MAML2: variants seen among roughly 807,000 people sequenced by gnomAD.
MAML2 encodes the protein mastermind like transcriptional coactivator 2.
Under a neutral mutation model 96.1 loss-of-function variants are expected in MAML2, and 22 were observed. The observed-to-expected ratio is 0.23, with a 90% CI of 0.16 to 0.33. MAML2 has a LOEUF of 0.33. MAML2 is among the 10% of genes least tolerant of loss of function. The pLI is 1.00. For synonymous variants in MAML2, 561 were observed against 521.3 expected (o/e 1.08, Z -1.04); for missense variants, 1,367 against 1,392.4 (o/e 0.98, Z 0.29).
intron 2 of MAML2, among the ~76,000 whole-genome samples, chr11:96,077,507 C>T (rs1859461515): frequency 6.6e-6 from 1 of 152,178 alleles, no homozygotes; most frequent in Non-Finnish European, 1.5e-5. Flanking sequence ...AGGCATGAGC[C>T]ACCGCAACTG....
chr11:96,332,164 T>C (rs943877140), intron 1 of MAML2, among the ~76,000 whole-genome samples: 4 of 152,228 alleles, frequency 2.6e-5, no homozygotes, highest in Non-Finnish European at 2.9e-5. Flanking sequence ...TCCAGCATTG[T>C]ACCAAGGATT....
intron 1 of MAML2, among the ~76,000 whole-genome samples, chr11:96,097,614 G>T (rs1235713652): frequency 6.6e-6 from 1 of 151,936 alleles, no homozygotes; most frequent in Non-Finnish European, 1.5e-5. Context: ...TTATAGAACA[G>T]AAGGAAAAAA....
intron 2 of MAML2, among the ~76,000 whole-genome samples, chr11:96,008,181 A>T (rs1858215669): frequency 6.7e-6 from 1 of 150,230 alleles, no homozygotes; most frequent in African/African-American, 2.5e-5. Flanking sequence ...TTCAACACAC[A>T]CAGATTTACG....
At position 96,254,708 on chromosome 11, in the gene MAML2, AG is replaced by A. The variant is rs1862637073; in HGVS notation, c.513+86674del. On this transcript the variant is annotated intron_variant, in intron 1 of 4. Transcript: ENST00000524717. ...CAAGATTGCCAAAAGAAGAATTAAA[AG>A]TCGTTCCAGAGCAAAGATGGGTAAG... is the stretch of plus-strand genomic sequence containing the variant. Among the ~76,000 whole-genome samples, 3 of 152,260 alleles carry A rather than the reference AG, an allele frequency of 2.0e-5. No individual in the cohort carries two copies. In the South Asian group the frequency reaches 6.2e-4, roughly 32 times the overall value.
intron 2 of MAML2, among the ~76,000 whole-genome samples, chr11:96,015,594 G>GGA (rs1554996055): frequency 1.1e-4 from 13 of 119,656 alleles, no homozygotes; most frequent in Non-Finnish European, 2.1e-4. Flanking sequence ...AGGGGGGGGG[G>GGA]GCAATTCATG....
intron 3 of MAML2, among the ~76,000 whole-genome samples, 188 bp from the exon 4 acceptor site, chr11:95,985,830 T>C (rs1267052330): frequency 6.6e-6 from 1 of 152,252 alleles, no homozygotes; most frequent in Non-Finnish European, 1.5e-5. Context: ...ACTTCCTGTA[T>C]GGAAGTATAA....
At chr11:95,991,390 A>G in intron 3 of MAML2, 130 bp downstream of exon 3, 1 of 838,822 alleles carries the variant, frequency 1.2e-6, no homozygotes, top group Non-Finnish European at 2.0e-6. Flanking sequence ...GTATGGAATT[A>G]TCCTCTCTTA....
At chr11:95,981,059 T>C (rs1031770268) in intron 4 of MAML2, among the ~76,000 whole-genome samples, 1 of 152,204 alleles carries the variant, frequency 6.6e-6, no homozygotes, top group Non-Finnish European at 1.5e-5. Flanking sequence ...CCTGTTCCTG[T>C]GTGGTGACCT....
At chr11:96,334,034 C>T (rs897624448) in intron 1 of MAML2, among the ~76,000 whole-genome samples, 2 of 152,146 alleles carry the variant, frequency 1.3e-5, no homozygotes, top group African/African-American at 4.8e-5. Context: ...GTCCTAGAAT[C>T]TTAGGATTGG....
chr11:96,124,819 C>T (rs570394663), intron 1 of MAML2, among the ~76,000 whole-genome samples: 40 of 152,176 alleles, frequency 2.6e-4, no homozygotes, highest in Non-Finnish European at 3.8e-4. Context: ...CCATGTAGAA[C>T]GAGGAATCAA....
intron 1 of MAML2, among the ~76,000 whole-genome samples, chr11:96,151,411 C>T (rs1020395889): frequency 6.6e-6 from 1 of 152,204 alleles, no homozygotes; most frequent in Admixed American, 6.5e-5. Flanking sequence ...GCAAGTAATC[C>T]GAAAGCTCCT....
chr11:96,335,818 C>T (rs1002704651), intron 1 of MAML2, among the ~76,000 whole-genome samples: 1 of 152,170 alleles, frequency 6.6e-6, no homozygotes, highest in East Asian at 1.9e-4. Context: ...TCAGTACTCA[C>T]GTCCAGCCAC....
intron 1 of MAML2, among the ~76,000 whole-genome samples, chr11:96,281,382 T>C (rs1420300896): frequency 1.3e-5 from 2 of 151,900 alleles, no homozygotes; most frequent in African/African-American, 2.4e-5. Flanking sequence ...ATATTTCTGT[T>C]GGGGTCCAGG....
chr11:96,085,147 A>G (rs1392023749), intron 2 of MAML2, among the ~76,000 whole-genome samples: 1 of 146,680 alleles, frequency 6.8e-6, no homozygotes, highest in Non-Finnish European at 1.5e-5. Context: ...TAGTATCCAG[A>G]GAGCTGCCTA....
intron 3 of MAML2, among the ~76,000 whole-genome samples, chr11:95,986,042 G>A (rs1022038311): frequency 1.2e-4 from 18 of 152,144 alleles, no homozygotes; most frequent in Admixed American, 1.1e-3. Flanking sequence ...CTTGTTAAAT[G>A]AGTGATAGCT....
intron 1 of MAML2, among the ~76,000 whole-genome samples, chr11:96,308,992 C>T (rs1863502339): frequency 6.6e-6 from 1 of 152,126 alleles, no homozygotes; most frequent in African/African-American, 2.4e-5. Context: ...TAATTCATGG[C>T]ATAAAATACA....
chr11:96,277,248 T>C (rs749896371), intron 1 of MAML2, among the ~76,000 whole-genome samples: 1 of 152,158 alleles, frequency 6.6e-6, no homozygotes, highest in Non-Finnish European at 1.5e-5. Context: ...CTTTTATTGA[T>C]ACATAATATT....
intron 4 of MAML2, among the ~76,000 whole-genome samples, chr11:95,981,433 A>G (rs1857734900): frequency 6.6e-6 from 1 of 152,232 alleles, no homozygotes; most frequent in Non-Finnish European, 1.5e-5. Context: ...TCTGAGAAAT[A>G]CAGAGCTAAA....
rs185404482 is a variant in MAML2, at chr11:96,124,742, T to C, written c.514-31225A>G. Among the ~76,000 whole-genome samples, 59 of 152,148 alleles carry C rather than the reference T, an allele frequency of 3.9e-4. No individual in the cohort carries two copies. In the East Asian group the frequency reaches 0.011, roughly 28 times the overall value. On this transcript the variant is annotated intron_variant, in intron 1 of 4. Coordinates refer to ENST00000524717, the MANE Select transcript of MAML2 (RefSeq NM_032427.4). ...GAGACTGCACATGAACGGATGTGCA[T>C]ACACCTCGTGAAAGGGCATGAGAGG...
Sources: gnomAD v4.1 joint callset for allele counts (sites outside exome capture counted in the v4.1 genomes callset) on GRCh38, gnomAD v4.1.1 for gene constraint, MANE v1.5 for transcripts, NCBI Gene and HGNC (gene_info 2026-07-23, HGNC 2026-07-21) for gene names.